USP34: variants seen among roughly 807,000 people sequenced by gnomAD.
The protein encoded by USP34 is ubiquitin specific peptidase 34.
Under a neutral mutation model 460.3 loss-of-function variants are expected in USP34, and 70 were observed. The observed-to-expected ratio is 0.15, with a 90% CI of 0.13 to 0.19. The LOEUF (loss-of-function observed/expected upper bound fraction) is 0.19, where lower values mean the gene tolerates loss of function less well. USP34 is among the 10% of genes least tolerant of loss of function. The pLI, the probability that USP34 is intolerant of heterozygous loss-of-function variation, is 1.00. For missense variants in USP34, 3,985 were observed against 4,236.2 expected (o/e 0.94, Z 1.65); for synonymous variants, 1,647 against 1,405.3 (o/e 1.17, Z -3.85).
intron 48 of USP34, among the ~76,000 whole-genome samples, chr2:61,253,357 A>G (rs769573489): frequency 1.3e-5 from 2 of 152,008 alleles, no homozygotes; most frequent in Non-Finnish European, 2.9e-5. Flanking sequence ...TCTTTTGGTG[A>G]CTCATTTATT....
At chr2:61,459,727 A>G (rs970379935) in intron 1 of USP34, among the ~76,000 whole-genome samples, 3 of 150,756 alleles carry the variant, frequency 2.0e-5, no homozygotes, top group Non-Finnish European at 4.4e-5. Flanking sequence ...CAGTGAGCTG[A>G]TATTAAGCCA....
intron 57 of USP34, among the ~76,000 whole-genome samples, chr2:61,235,549 C>G (rs1688043035): frequency 6.6e-6 from 1 of 152,020 alleles, no homozygotes; most frequent in Non-Finnish European, 1.5e-5. Context: ...TGGGCTCGAC[C>G]TCTTGATCTC....
chr2:61,326,707 C>T (rs1244809113), intron 20 of USP34, among the ~76,000 whole-genome samples: 1 of 151,244 alleles, frequency 6.6e-6, no homozygotes, highest in Middle Eastern at 3.2e-3. Flanking sequence ...GCCCAAACTG[C>T]TTTGCCAACA....
chr2:61,192,324 T>C (rs1172376946), intron 76 of USP34, among the ~76,000 whole-genome samples: 1 of 152,256 alleles, frequency 6.6e-6, no homozygotes, highest in African/African-American at 2.4e-5. Context: ...CTCTTCCCAA[T>C]TCTGCCTTTG....
intron 2 of USP34, among the ~76,000 whole-genome samples, chr2:61,410,191 C>T (rs1247495888): frequency 1.3e-5 from 2 of 152,132 alleles, no homozygotes; most frequent in African/African-American, 4.8e-5. Flanking sequence ...TACAACTCAC[C>T]ATAATGTAGA....
intron 39 of USP34, among the ~76,000 whole-genome samples, chr2:61,279,905 G>C (rs1052901751): frequency 4.6e-5 from 7 of 152,100 alleles, no homozygotes; most frequent in African/African-American, 1.7e-4. Context: ...TTACGTATTT[G>C]GGACTCCAAA....
At position 61,394,807 on chromosome 2, in the gene USP34, C is replaced by A. The variant is rs185094155; in HGVS notation, c.753+46G>T. 7 of 1,410,602 alleles carry A rather than the reference C, an allele frequency of 5.0e-6. No homozygotes were observed. In the Admixed American group the frequency reaches 1.0e-4, roughly 21 times the overall value. 87.4% of individuals were successfully genotyped at this position (1,410,602 alleles called of 1,614,324 possible). A position where few individuals can be genotyped will look rare whatever the true frequency, so the allele number is the denominator to read the frequency against. ...GCATAAAATTCATGTTACTGATATGCTAGACATTGCTCCCAAAATTAAGAT... is the reference window on the plus strand; with the variant it reads ...GCATAAAATTCATGTTACTGATATGATAGACATTGCTCCCAAAATTAAGAT... On this transcript the variant is annotated intron_variant, in intron 5 of 79. Coordinates refer to ENST00000398571, the MANE Select transcript of USP34 (RefSeq NM_014709.4).
intron 5 of USP34, among the ~76,000 whole-genome samples, chr2:61,386,557 G>A (rs538448704): frequency 5.3e-5 from 8 of 152,218 alleles, no homozygotes; most frequent in Admixed American, 3.3e-4. Flanking sequence ...TTGGGGAGCC[G>A]AGGCAGATGG....
At chr2:61,239,990 G>A (rs1242432542) in intron 53 of USP34, among the ~76,000 whole-genome samples, 5 of 133,774 alleles carry the variant, frequency 3.7e-5, no homozygotes, top group Non-Finnish European at 7.8e-5. Flanking sequence ...CAGCCTGGGC[G>A]ACAGAGCGAG....
At position 61,395,271 on chromosome 2, in the gene USP34, AACT is replaced by A. The variant is rs201262550; in HGVS notation, c.553-41_553-39del. ...AAAAAAGCAAGTAAAATTAGGTTAC[AACT>A]ACTAACCTTTAAAAAATACAATTCT... On this transcript the variant is annotated intron_variant, in intron 3 of 79. Transcript: ENST00000398571. 5,551 of 1,180,580 alleles carry A rather than the reference AACT, an allele frequency of 4.7e-3. 38 individuals carry two copies. Among genetic ancestry groups the A allele is most frequent in the Middle Eastern group, 0.039 (194 of 5,004 alleles). The allele number at this position is 1,180,580 out of a possible 1,614,324, so 73.1% of individuals were successfully genotyped here.
At chr2:61,345,173 C>G (rs575667397) in intron 15 of USP34, among the ~76,000 whole-genome samples, 19 of 151,956 alleles carry the variant, frequency 1.3e-4, no homozygotes, top group African/African-American at 4.6e-4. Flanking sequence ...ACTCGGGAGG[C>G]TGAGGCAGGA....
chr2:61,387,698 C>T (rs1420158004), intron 5 of USP34, among the ~76,000 whole-genome samples: 1 of 145,802 alleles, frequency 6.9e-6, no homozygotes, highest in Admixed American at 7.0e-5. Context: ...TACATATACA[C>T]ACATGTAAAA....
intron 17 of USP34, 32 bp from the exon 18 acceptor site, chr2:61,339,510 T>A: frequency 6.4e-7 from 1 of 1,562,794 alleles, no homozygotes; most frequent in African/African-American, 1.4e-5. Context: ...TTACTATTTA[T>A]CCTAATTGCA....
At chr2:61,461,412 A>C (rs192291170) in intron 1 of USP34, among the ~76,000 whole-genome samples, 457 of 152,080 alleles carry the variant, frequency 3.0e-3, no homozygotes, top group Non-Finnish European at 4.7e-3. Flanking sequence ...AAAAAAAAAA[A>C]CCCAAAACAC....
chr2:61,246,615 C>T (rs553879161), intron 49 of USP34, 138 bp from the exon 50 acceptor site: 7 of 609,460 alleles, frequency 1.1e-5, no homozygotes, highest in Admixed American at 8.0e-5. Flanking sequence ...CCCAATGTGA[C>T]GAGTTACTTA....
At chr2:61,445,751 T>C (rs1695096451) in intron 1 of USP34, among the ~76,000 whole-genome samples, 2 of 149,842 alleles carry the variant, frequency 1.3e-5, no homozygotes. Flanking sequence ...AGGTCAGGAG[T>C]TCAAGACCAG....
intron 18 of USP34, among the ~76,000 whole-genome samples, chr2:61,336,047 A>G (rs1318694660): frequency 6.6e-6 from 1 of 152,222 alleles, no homozygotes; most frequent in Non-Finnish European, 1.5e-5. Flanking sequence ...ATAGTCATTT[A>G]AAATTACAGC....
intron 2 of USP34, among the ~76,000 whole-genome samples, chr2:61,409,479 C>T (rs1161895115): frequency 6.6e-6 from 1 of 152,064 alleles, no homozygotes; most frequent in Admixed American, 6.6e-5. Context: ...TTTGGGAGGC[C>T]AAGGCAGGTG....
chr2:61,368,758 G>C (rs1053097257), intron 10 of USP34, among the ~76,000 whole-genome samples: 1 of 152,100 alleles, frequency 6.6e-6, no homozygotes, highest in Non-Finnish European at 1.5e-5. Flanking sequence ...AATGTATAGG[G>C]AGAAACTAAA....
Sources: gnomAD v4.1 joint callset for allele counts (sites outside exome capture counted in the v4.1 genomes callset) on GRCh38, gnomAD v4.1.1 for gene constraint, MANE v1.5 for transcripts, NCBI Gene and HGNC (gene_info 2026-07-23, HGNC 2026-07-21) for gene names.